The following KCTD1 variants were observed in gnomAD, a reference collection of about 807,000 sequenced individuals.
KCTD1 encodes BTB/POZ domain-containing protein KCTD1.
KCTD1 carries 24 observed loss-of-function variants against 66.0 expected under a neutral mutation model. That is an observed-to-expected ratio of 0.36 (90% confidence interval 0.26 to 0.51). KCTD1 has a LOEUF of 0.51. Among genes scored for constraint, KCTD1 ranks in the 20% least tolerant of loss-of-function variants. The probability of loss-of-function intolerance (pLI) is 0.95; values close to 1 mark genes in which losing one functional copy is unlikely to be tolerated. For missense variants in KCTD1, 943 were observed against 1,205.2 expected, an observed-to-expected ratio of 0.78 and a Z score of 3.22; for synonymous variants, 511 against 517.2, an observed-to-expected ratio of 0.99 and a Z score of 0.16.
At chr18:26,578,623 T>C (rs375904806) in intron 1 of KCTD1, among the ~76,000 whole-genome samples, 39 of 152,354 alleles carry the variant, frequency 2.6e-4, no homozygotes, top group African/African-American at 9.4e-4. Flanking sequence ...TTGCAGACTC[T>C]GGGCTCTAAC....
At chr18:26,550,377 A>C (rs76043919), upstream of KCTD1, among the ~76,000 whole-genome samples, 10,707 of 152,020 alleles carry the variant, frequency 0.07, 513 homozygotes, top group African/African-American at 0.13. The surrounding 1 kb of genome is among the most constrained non-coding windows in gnomAD (Gnocchi z 5.4). Flanking sequence ...GTCTCAGGGC[A>C]GTGTGGGCTT....
At chr18:26,589,711 C>T (rs994680413) in intron 1 of KCTD1, among the ~76,000 whole-genome samples, 2 of 152,124 alleles carry the variant, frequency 1.3e-5, no homozygotes, top group African/African-American at 2.4e-5. Context: ...GAAGGTTAGA[C>T]CCCTCCCTAG....
intron 1 of KCTD1, among the ~76,000 whole-genome samples, chr18:26,523,415 G>A (rs976034017): frequency 3.3e-5 from 5 of 152,228 alleles, no homozygotes; most frequent in African/African-American, 4.8e-5. Context: ...TTTATAAAAC[G>A]TAGATAATAG....
In KCTD1 at chr18:26,461,573, A is replaced by C. The variant is rs1019442384; in HGVS notation, c.2134-1648T>G. On this transcript the variant is annotated intron_variant, in intron 3 of 4. Coordinates refer to ENST00000580059, the MANE Select transcript of KCTD1 (RefSeq NM_001142730.3). ...GAACCGGGGCCCTTAGCCCAGCCTG[A>C]GGGGTAGGAGTGGGGAAGCCTCTGC... Among the ~76,000 whole-genome samples the C allele has an allele frequency of 4.6e-5, 7 of 152,148 alleles. No individual in the cohort carries two copies. The East Asian group carries it at 1.3e-3, about 29-fold the overall frequency.
At chr18:26,513,553 C>T (rs990192511) in intron 1 of KCTD1, among the ~76,000 whole-genome samples, 6 of 152,078 alleles carry the variant, frequency 3.9e-5, no homozygotes, top group Non-Finnish European at 8.8e-5. Context: ...GAACGTTTTC[C>T]CGAGGATGCA....
At chr18:26,505,347 T>C (rs1444568992) in intron 1 of KCTD1, among the ~76,000 whole-genome samples, 3 of 152,208 alleles carry the variant, frequency 2.0e-5, no homozygotes, top group Non-Finnish European at 4.4e-5. Context: ...TGCAAGGGAC[T>C]TGGATGTGCC....
upstream of KCTD1, among the ~76,000 whole-genome samples, chr18:26,629,722 G>A (rs953782125): frequency 2.0e-3 from 181 of 92,246 alleles, 1 homozygote; most frequent in Non-Finnish European, 1.9e-3. Context: ...TGACCCCCCC[G>A]CCTTTTTTTT....
intron 1 of KCTD1, among the ~76,000 whole-genome samples, chr18:26,616,544 G>T (rs1987259626): frequency 6.6e-6 from 1 of 151,740 alleles, no homozygotes; most frequent in African/African-American, 2.4e-5. Context: ...TAAAGAGACA[G>T]AGTCTCACTC....
intron 1 of KCTD1, among the ~76,000 whole-genome samples, chr18:26,531,568 G>A (rs1346471976): frequency 6.6e-6 from 1 of 152,172 alleles, no homozygotes; most frequent in African/African-American, 2.4e-5. Flanking sequence ...CAAAACGGGA[G>A]CTATAAAAAC....
intron 1 of KCTD1, among the ~76,000 whole-genome samples, chr18:26,595,392 T>A (rs1986743048): frequency 6.6e-6 from 1 of 152,232 alleles, no homozygotes; most frequent in Non-Finnish European, 1.5e-5. Flanking sequence ...TAGGTAAACA[T>A]TTGGCCCTCT....
At chr18:26,599,681 CT>C in intron 1 of KCTD1, 1 of 1,494,960 alleles carries the variant, frequency 6.7e-7, no homozygotes, top group Non-Finnish European at 9.3e-7. Context: ...TGGTGGATGT[CT>C]TTTTCTGAAA....
intron 1 of KCTD1, among the ~76,000 whole-genome samples, chr18:26,617,078 G>C (rs1987271878): frequency 6.6e-6 from 1 of 152,178 alleles, no homozygotes; most frequent in Admixed American, 6.5e-5. Context: ...TTGATTTGGT[G>C]GAGTAAGGAA....
intron 1 of KCTD1, among the ~76,000 whole-genome samples, chr18:26,636,512 C>T (rs1188637274): frequency 2.6e-5 from 4 of 152,180 alleles, no homozygotes; most frequent in Admixed American, 2.0e-4. Flanking sequence ...CCCTGAGTCC[C>T]GACCGAAACT....
Position 26,581,954 on chromosome 18 carries a change from A to G in KCTD1, c.-16+47193T>C, listed in dbSNP as rs563360627. Among the ~76,000 whole-genome samples the G allele has an allele frequency of 2.6e-5, 4 of 152,244 alleles. No homozygotes were observed. In the South Asian group the frequency reaches 8.3e-4, roughly 32 times the overall value. On this transcript the variant is annotated intron_variant, in intron 1 of 4. Coordinates refer to the KCTD1 transcript ENST00000317932. ...TAATGAACTCCTACAAATCAATAAG[A>G]TCAACAACCCAATAGGAAAGTATGC...
intron 1 of KCTD1, among the ~76,000 whole-genome samples, chr18:26,546,021 G>T (rs1162301820): frequency 6.6e-6 from 1 of 152,080 alleles, no homozygotes; most frequent in Non-Finnish European, 1.5e-5. Flanking sequence ...TGGGGCTAGG[G>T]GGAGACAGCA....
At chr18:26,601,440 A>G (rs1025830344) in intron 1 of KCTD1, among the ~76,000 whole-genome samples, 5 of 151,876 alleles carry the variant, frequency 3.3e-5, no homozygotes, top group Non-Finnish European at 4.4e-5. Context: ...TTATGTCAGC[A>G]TCATATCTAT....
intron 1 of KCTD1, among the ~76,000 whole-genome samples, chr18:26,557,826 G>T (rs1230364460): frequency 1.3e-5 from 2 of 152,216 alleles, no homozygotes. Context: ...AGAGATTGGA[G>T]TGAAGCCTGC....
At chr18:26,481,439 A>G (rs1451560468) in intron 2 of KCTD1, among the ~76,000 whole-genome samples, 1 of 152,192 alleles carries the variant, frequency 6.6e-6, no homozygotes, top group Non-Finnish European at 1.5e-5. Flanking sequence ...AAACCCTGCC[A>G]TGTGATTACT....
intron 1 of KCTD1, among the ~76,000 whole-genome samples, chr18:26,513,417 A>T (rs1478786216): frequency 6.6e-6 from 1 of 152,030 alleles, no homozygotes; most frequent in East Asian, 1.9e-4. Context: ...AATAAGACAT[A>T]CCTATATTTA....
Sources: allele counts gnomAD v4.1 joint callset (sites outside exome capture counted in the v4.1 genomes callset), GRCh38; gene constraint gnomAD v4.1.1; non-coding constraint Gnocchi (gnomAD v3.1); transcripts MANE v1.5; gene names NCBI Gene and HGNC (gene_info 2026-07-23, HGNC 2026-07-21).